The following TMEM67 variants were observed in gnomAD, a reference collection of about 807,000 sequenced individuals.
TMEM67 encodes the protein transmembrane protein 67.
Under a neutral mutation model 136.6 loss-of-function variants are expected in TMEM67, and 124 were observed. The observed-to-expected ratio is 0.91, with a 90% CI of 0.78 to 1.05. The LOEUF (loss-of-function observed/expected upper bound fraction) is 1.05, where lower values mean the gene tolerates loss of function less well. Among genes scored for constraint, TMEM67 ranks in the 50% least tolerant of loss-of-function variants. The pLI is 0.00. For synonymous variants in TMEM67, 364 were observed against 390.5 expected, an observed-to-expected ratio of 0.93 and a Z score of 0.80; for missense variants, 1,107 against 1,178.4, an observed-to-expected ratio of 0.94 and a Z score of 0.89.
chr8:93,788,370 C>T (rs1416309005), intron 14 of TMEM67, among the ~76,000 whole-genome samples: 1 of 152,150 alleles, frequency 6.6e-6, no homozygotes, highest in Non-Finnish European at 1.5e-5. Context: ...CGAGACCAGC[C>T]TGACCACCAT....
At chr8:93,785,920 T>A (rs1163155346) in intron 12 of TMEM67, 3 of 340,070 alleles carry the variant, frequency 8.8e-6, no homozygotes, top group Admixed American at 4.5e-5. Context: ...CAAAAAAAAA[T>A]TTAGCTTGGT....
intron 7 of TMEM67, among the ~76,000 whole-genome samples, chr8:93,779,677 G>A (rs1813720493): frequency 6.6e-6 from 1 of 152,192 alleles, no homozygotes; most frequent in Admixed American, 6.5e-5. Context: ...TCCAGACGCT[G>A]TTTTCCTGGA....
intron 2 of TMEM67, 119 bp from the exon 3 acceptor site, chr8:93,758,364 T>C (rs1812675348): frequency 1.4e-6 from 1 of 732,994 alleles, no homozygotes. Flanking sequence ...GGCTCATATA[T>C]GTATGATTTA....
At position 93,765,661 on chromosome 8, in the gene TMEM67, A is replaced by G. The variant is rs752083723; in HGVS notation, c.651+15A>G. 4.4e-6 allele frequency: 7 copies of G among 1,588,730 alleles called. No homozygotes were observed. Among genetic ancestry groups the G allele is most frequent in the Admixed American group, 3.3e-5 (2 of 59,952 alleles). On this transcript the variant is annotated intron_variant, in intron 6 of 27. Coordinates refer to ENST00000453321, the MANE Select transcript of TMEM67 (RefSeq NM_153704.6). ...ATGGAGAAGTTGTGAGTATGTTTCA[A>G]TTTTTTTGTTCTGTTGTTAAAAAAC...
In TMEM67 at chr8:93,795,434, A is replaced by G. The variant is rs148726767; in HGVS notation, c.1700A>G (p.Tyr567Cys). 4.9e-5 allele frequency: 79 copies of G among 1,614,088 alleles called. No homozygotes were observed. The Middle Eastern group carries it at 9.9e-4, about 20-fold the overall frequency. ...LQTVVKFLVY[Y>C]AGDLANVFFI... The stretch of plus-strand genomic sequence containing the variant: ...ACAGTTGTGAAATTCTTGGTGTACT[A>G]TGCTGGTGATCTGGCCAATGTTTTC... The change falls in exon 17 of 28, where the codon TAT (tyrosine) becomes TGT (cysteine). Residue 567 changes from tyrosine (Y) to cysteine (C), a missense_variant. Tyr to Cys is a radical substitution (Grantham distance 194). Coordinates refer to ENST00000453321, the MANE Select transcript of TMEM67 (RefSeq NM_153704.6).
intron 23 of TMEM67, among the ~76,000 whole-genome samples, chr8:93,808,483 T>C (rs1808531688): frequency 7.1e-6 from 1 of 140,848 alleles, no homozygotes; most frequent in Admixed American, 7.0e-5. Flanking sequence ...TAGATATTTA[T>C]CTATAATAGA....
chr8:93,814,162 C>T (rs1258285076), intron 26 of TMEM67, among the ~76,000 whole-genome samples: 20 of 112,250 alleles, frequency 1.8e-4, no homozygotes, highest in East Asian at 7.9e-4. Context: ...TTTTTTGAGA[C>T]GTAGTATTGC....
chr8:93,769,236 C>T (rs969561971), intron 6 of TMEM67, among the ~76,000 whole-genome samples: 8 of 152,174 alleles, frequency 5.3e-5, no homozygotes, highest in African/African-American at 1.9e-4. Flanking sequence ...TGCAAGGCAA[C>T]GGCCATAGGA....
the TMEM67 span, among the ~76,000 whole-genome samples, chr8:93,825,895 C>G: frequency 5.3e-5 from 8 of 152,174 alleles, no homozygotes; most frequent in Admixed American, 4.6e-4. Context: ...TGTACACATA[C>G]AGCCTTCTCA....
At chr8:93,806,526 T>G (rs1023604227) in intron 23 of TMEM67, among the ~76,000 whole-genome samples, 17 of 152,172 alleles carry the variant, frequency 1.1e-4, no homozygotes, top group African/African-American at 3.6e-4. Flanking sequence ...AATGAGTAGT[T>G]TACTATTCTC....
chr8:93,829,077 C>T, the TMEM67 span, among the ~76,000 whole-genome samples: 6 of 151,924 alleles, frequency 3.9e-5, no homozygotes, highest in African/African-American at 7.3e-5. Context: ...TTATGACATG[C>T]GGTTGGTTCT....
intron 18 of TMEM67, 22 bp from the exon 19 acceptor site, chr8:93,797,111 GT>G (rs772407273): frequency 1.5e-5 from 21 of 1,442,506 alleles, no homozygotes; most frequent in Non-Finnish European, 1.9e-5. Flanking sequence ...TTTTTCAGGT[GT>G]TTTATTATAT....
chr8:93,796,496 G>C (rs1249529881), intron 18 of TMEM67, among the ~76,000 whole-genome samples: 1 of 152,156 alleles, frequency 6.6e-6, no homozygotes, highest in Admixed American at 6.6e-5. Context: ...TTTACTGTGA[G>C]TGTTAAGTGT....
chr8:93,809,638 T>C, intron 25 of TMEM67, 147 bp from the exon 26 acceptor site: 2 of 605,818 alleles, frequency 3.3e-6, no homozygotes, highest in Non-Finnish European at 5.8e-6. Context: ...GTTATAGGTT[T>C]CAATGTAGTA....
In TMEM67 at chr8:93,809,883, CAATGGTATCTT is replaced by C; in HGVS notation, c.2761_2764+7del. 1.3e-6 allele frequency: 2 copies of C among 1,583,734 alleles called. No homozygotes were observed. Among genetic ancestry groups the C allele is most frequent in the Non-Finnish European group, 8.7e-7 (1 of 1,153,366 alleles). On this transcript the variant is annotated splice_donor_variant and splice_donor_5th_base_variant and coding_sequence_variant and intron_variant, in exon 26 of 28. Coordinates refer to ENST00000453321, the MANE Select transcript of TMEM67 (RefSeq NM_153704.6). LOFTEE classifies it high-confidence loss of function. ...AACCAATGGAAAAAAGCATCTTTTACAATGGTATCTTCTAAATCCCTTTGTAGAACTTGATA... is the reference window on the plus strand; with the variant it reads ...AACCAATGGAAAAAAGCATCTTTTACCTAAATCCCTTTGTAGAACTTGATA...
chr8:93,777,297 A>C (rs1813593866), intron 7 of TMEM67, among the ~76,000 whole-genome samples: 1 of 152,070 alleles, frequency 6.6e-6, no homozygotes, highest in Non-Finnish European at 1.5e-5. Context: ...CCTTTCAAAA[A>C]ACCAGCTCCT....
intron 7 of TMEM67, among the ~76,000 whole-genome samples, chr8:93,775,771 T>C (rs1383717680): frequency 6.6e-6 from 1 of 152,238 alleles, no homozygotes; most frequent in East Asian, 1.9e-4. Flanking sequence ...TAATACAGTT[T>C]AAAGTCAGGT....
At chr8:93,776,039 T>C (rs1159106640) in intron 7 of TMEM67, among the ~76,000 whole-genome samples, 1 of 152,196 alleles carries the variant, frequency 6.6e-6, no homozygotes, top group Non-Finnish European at 1.5e-5. Context: ...TGAGCAGTGG[T>C]TTGTAATTCT....
intron 16 of TMEM67, chr8:93,795,100 G>A: frequency 7.1e-6 from 3 of 424,070 alleles, no homozygotes; most frequent in South Asian, 5.3e-5. Flanking sequence ...TGGTGGTAGT[G>A]TGGAGGAGAG....
Sources: gnomAD v4.1 joint callset for allele counts (sites outside exome capture counted in the v4.1 genomes callset) on GRCh38, gnomAD v4.1.1 for gene constraint, MANE v1.5 for transcripts, NCBI Gene and HGNC (gene_info 2026-07-23, HGNC 2026-07-21) for gene names.